The following NR2F1-AS1 variants were observed in gnomAD, a reference collection of about 807,000 sequenced individuals.
NR2F1-AS1 encodes the protein NR2F1 regulatory antisense RNA 1.
intron 4 of NR2F1-AS1, among the ~76,000 whole-genome samples, chr5:93,429,536 A>G (rs1343177782): frequency 6.6e-6 from 1 of 152,208 alleles, no homozygotes; most frequent in Non-Finnish European, 1.5e-5. Flanking sequence ...GTGGAAAAAC[A>G]CATTTAATTT....
At chr5:93,445,206 A>C (rs909232337) in intron 4 of NR2F1-AS1, among the ~76,000 whole-genome samples, 7 of 152,354 alleles carry the variant, frequency 4.6e-5, no homozygotes, top group Non-Finnish European at 1.0e-4. Flanking sequence ...AGATCAGAGC[A>C]GAACTGAAGG....
intron 4 of NR2F1-AS1, among the ~76,000 whole-genome samples, chr5:93,434,617 G>T (rs145631598): frequency 1.7e-3 from 254 of 152,214 alleles, no homozygotes; most frequent in African/African-American, 5.9e-3. Flanking sequence ...TCAAAATCAG[G>T]AAATTTAATA....
At chr5:93,500,058 A>C (rs2149885129) in intron 4 of NR2F1-AS1, among the ~76,000 whole-genome samples, 1 of 152,338 alleles carries the variant, frequency 6.6e-6, no homozygotes, top group Non-Finnish European at 1.5e-5. Flanking sequence ...AAAGCACAAG[A>C]TGAAGCAGCA....
chr5:93,470,130 C>G (rs925278028), intron 4 of NR2F1-AS1, among the ~76,000 whole-genome samples: 27 of 151,874 alleles, frequency 1.8e-4, no homozygotes, highest in Admixed American at 6.6e-4. Context: ...AACTTTTCTG[C>G]TTTTTATTTT....
At chr5:93,473,445 G>T (rs1750412590) in intron 4 of NR2F1-AS1, among the ~76,000 whole-genome samples, 1 of 151,466 alleles carries the variant, frequency 6.6e-6, no homozygotes, top group South Asian at 2.1e-4. Context: ...ATATACAGAG[G>T]TTTCTTTGGA....
At chr5:93,471,988 G>C (rs1262213705) in intron 4 of NR2F1-AS1, among the ~76,000 whole-genome samples, 1 of 151,770 alleles carries the variant, frequency 6.6e-6, no homozygotes, top group Non-Finnish European at 1.5e-5. Flanking sequence ...TATGTAACAA[G>C]TACAATCTAA....
intron 4 of NR2F1-AS1, among the ~76,000 whole-genome samples, chr5:93,419,876 A>G (rs1347169484): frequency 6.6e-6 from 1 of 152,172 alleles, no homozygotes; most frequent in Admixed American, 6.5e-5. Flanking sequence ...CTGAAATCCA[A>G]AACACACATG....
intron 4 of NR2F1-AS1, among the ~76,000 whole-genome samples, chr5:93,444,175 G>A (rs1193993996): frequency 2.0e-5 from 3 of 152,212 alleles, no homozygotes; most frequent in African/African-American, 7.2e-5. Flanking sequence ...ACATCATAAT[G>A]ATGGGATCAA....
upstream of NR2F1-AS1, among the ~76,000 whole-genome samples, chr5:93,582,354 C>A (rs1753122251): frequency 1.3e-5 from 2 of 151,682 alleles, no homozygotes; most frequent in Non-Finnish European, 2.9e-5. Context: ...AATAGGAACC[C>A]TTGATTCCGA....
chr5:93,504,022 T>G (rs1221996292), intron 4 of NR2F1-AS1, among the ~76,000 whole-genome samples: 2 of 152,100 alleles, frequency 1.3e-5, no homozygotes, highest in African/African-American at 4.8e-5. Flanking sequence ...GCTGGTTTCC[T>G]CAACAAATAA....
chr5:93,540,948 CT>C (rs1171571049), intron 4 of NR2F1-AS1, among the ~76,000 whole-genome samples: 1 of 152,184 alleles, frequency 6.6e-6, no homozygotes, highest in Non-Finnish European at 1.5e-5. Context: ...AAGAAAATGA[CT>C]TTTTACTTAT....
exon 2 of NR2F1-AS1, chr5:93,563,426 A>C (rs1258389226): frequency 6.6e-6 from 1 of 152,194 alleles, no homozygotes; most frequent in Non-Finnish European, 1.5e-5. Flanking sequence ...GGCTAGTTTC[A>C]TTTATCCACA....
At chr5:93,516,705 A>G (rs939322288) in intron 4 of NR2F1-AS1, among the ~76,000 whole-genome samples, 2 of 151,950 alleles carry the variant, frequency 1.3e-5, no homozygotes, top group Non-Finnish European at 1.5e-5. Context: ...CTGACTCTTC[A>G]TCTTTTCATT....
intron 4 of NR2F1-AS1, among the ~76,000 whole-genome samples, chr5:93,524,041 G>A (rs1033778238): frequency 6.6e-6 from 1 of 151,896 alleles, no homozygotes; most frequent in East Asian, 1.9e-4. Flanking sequence ...CAGAAGGTGG[G>A]TAATAACAAA....
intron 4 of NR2F1-AS1, among the ~76,000 whole-genome samples, chr5:93,486,323 A>T (rs1306250848): frequency 1.3e-5 from 2 of 151,782 alleles, no homozygotes; most frequent in African/African-American, 4.8e-5. Context: ...GTTTTTTTTT[A>T]AATATCAACA....
chr5:93,569,127 C>G (rs1752683448), intron 1 of NR2F1-AS1, among the ~76,000 whole-genome samples: 1 of 152,140 alleles, frequency 6.6e-6, no homozygotes, highest in African/African-American at 2.4e-5. Flanking sequence ...CACACCTCAA[C>G]CCTTACCTTG....
intron 1 of NR2F1-AS1, among the ~76,000 whole-genome samples, chr5:93,580,043 G>C (rs528169111): frequency 6.6e-6 from 1 of 152,368 alleles, no homozygotes; most frequent in South Asian, 2.1e-4. Flanking sequence ...AGGGCCAGCC[G>C]GGCCGGACTC....
intron 4 of NR2F1-AS1, among the ~76,000 whole-genome samples, chr5:93,465,754 A>T (rs1750215511): frequency 6.6e-6 from 1 of 152,158 alleles, no homozygotes; most frequent in Admixed American, 6.5e-5. Flanking sequence ...ATAAAAAAGG[A>T]TGAGTTCATG....
chr5:93,473,591 A>T (rs892354941), intron 4 of NR2F1-AS1, among the ~76,000 whole-genome samples: 15 of 151,212 alleles, frequency 9.9e-5, no homozygotes, highest in Admixed American at 4.6e-4. Flanking sequence ...GGCTTATTTG[A>T]GGTTTTAATA....
Sources: allele counts gnomAD v4.1 joint callset (sites outside exome capture counted in the v4.1 genomes callset), GRCh38; gene constraint gnomAD v4.1.1; transcripts MANE v1.5; gene names NCBI Gene and HGNC (gene_info 2026-07-23, HGNC 2026-07-21).